SMOC1: variants seen among roughly 807,000 people sequenced by gnomAD.
SMOC1 encodes the protein SPARC-related modular calcium-binding protein 1.
A neutral mutation model predicts 56.3 loss-of-function variants in SMOC1; 22 were observed. That is an observed-to-expected ratio of 0.39 (90% confidence interval 0.28 to 0.56). The LOEUF is 0.56. SMOC1 is among the 20% of genes least tolerant of loss of function. The probability of loss-of-function intolerance (pLI) is 0.61; values close to 1 mark genes in which losing one functional copy is unlikely to be tolerated. For synonymous variants in SMOC1, 193 were observed against 215.0 expected, an observed-to-expected ratio of 0.90 and a Z score of 0.89; for missense variants, 509 against 565.4, an observed-to-expected ratio of 0.90 and a Z score of 1.01.
intron 1 of SMOC1, among the ~76,000 whole-genome samples, chr14:69,896,562 G>A (rs1884104414): frequency 6.6e-6 from 1 of 152,182 alleles, no homozygotes; most frequent in Non-Finnish European, 1.5e-5. Flanking sequence ...CCCAAAATTA[G>A]ATTTCCCCCT....
At chr14:70,019,825 T>C (rs60011612) in intron 10 of SMOC1, among the ~76,000 whole-genome samples, 30,260 of 152,138 alleles carry the variant, frequency 0.2, 3,530 homozygotes, top group East Asian at 0.36. Flanking sequence ...GGGTCTTCTT[T>C]TGCACAGACT....
chr14:70,014,281 C>G lies in SMOC1; in HGVS notation c.1046+790C>G, dbSNP rs552494225. 6.6e-5 allele frequency among the ~76,000 whole-genome samples: 10 copies of G among 152,252 alleles called. No homozygotes were observed. In the South Asian group the frequency reaches 1.7e-3, roughly 25 times the overall value. ...ACAAAATCTGTGGTGAGTGCTAGGA[C>G]AGAGGTGGAAGAATGGAGAATGGTT... On this transcript the variant is annotated intron_variant, in intron 10 of 11. Coordinates refer to ENST00000361956, the MANE Select transcript of SMOC1 (RefSeq NM_001034852.3).
At chr14:70,018,334 G>T (rs368074972) in intron 10 of SMOC1, among the ~76,000 whole-genome samples, 2 of 151,786 alleles carry the variant, frequency 1.3e-5, no homozygotes, top group Non-Finnish European at 2.9e-5. Context: ...CTTGCTACAT[G>T]CAGGGAGTAG....
intron 1 of SMOC1, among the ~76,000 whole-genome samples, chr14:69,900,104 A>G (rs1280466503): frequency 2.0e-5 from 3 of 152,184 alleles, no homozygotes; most frequent in African/African-American, 4.8e-5. Context: ...GATTATGGAA[A>G]CTTTTTCACA....
intron 1 of SMOC1, among the ~76,000 whole-genome samples, chr14:69,928,363 C>CT (rs1209478898): frequency 2.0e-5 from 3 of 152,208 alleles, no homozygotes; most frequent in African/African-American, 7.2e-5. Context: ...CAAATTGCGA[C>CT]TTTTTCAGAA....
chr14:69,935,477 C>T (rs558345475), intron 1 of SMOC1, among the ~76,000 whole-genome samples: 147 of 152,356 alleles, frequency 9.6e-4, no homozygotes, highest in Admixed American at 1.8e-3. Context: ...AGCCTAAGTA[C>T]TCTGATTAGC....
rs1322307106 is a variant in SMOC1 at position 70,023,363 on chromosome 14, C to A, written c.1207C>A (p.Arg403Ser). 1.2e-6 allele frequency: 2 copies of A among 1,614,128 alleles called. No homozygotes were observed. Among genetic ancestry groups the A allele is most frequent in the Non-Finnish European group, 8.5e-7 (1 of 1,180,026 alleles). ...KKAKPKKCAR[R>S]FTDYCDLNKD... is the part of the protein sequence containing the mutation. ...AGCCAAGCCCAAGAAATGTGCCCGG[C>A]GTTTCACCGACTACTGTGACCTGAA... Residue 403 changes from arginine (R) to serine (S), a missense_variant, in exon 11 of 12, where the codon CGT (arginine) becomes AGT (serine). Arg to Ser is a moderately radical substitution (Grantham distance 110). This residue lies in a region of SMOC1 where 176 missense variants were observed against 188.1 expected (regional missense o/e 0.94). Transcript: ENST00000361956.
At chr14:70,023,554 A>T in intron 11 of SMOC1, 107 bp downstream of exon 11, 1 of 1,492,992 alleles carries the variant, frequency 6.7e-7, no homozygotes, top group Non-Finnish European at 9.3e-7. Context: ...TCTATTCATC[A>T]ATTATTTGCT....
At chr14:69,972,558 G>A (rs556794772) in intron 3 of SMOC1, among the ~76,000 whole-genome samples, 1 of 152,106 alleles carries the variant, frequency 6.6e-6, no homozygotes, top group Non-Finnish European at 1.5e-5. Flanking sequence ...TTGTAATCTG[G>A]GCTCTCTACT....
At chr14:69,917,369 A>G (rs2139358744) in intron 1 of SMOC1, among the ~76,000 whole-genome samples, 1 of 152,330 alleles carries the variant, frequency 6.6e-6, no homozygotes, top group East Asian at 1.9e-4. Context: ...GTTTGCCTAT[A>G]GTGCACATGG....
At chr14:69,910,214 G>A (rs922565065) in intron 1 of SMOC1, among the ~76,000 whole-genome samples, 1 of 152,228 alleles carries the variant, frequency 6.6e-6, no homozygotes, top group African/African-American at 2.4e-5. Flanking sequence ...AAAAGGAACC[G>A]ATTTTCATTC....
chr14:69,999,936 G>GTTCTGT (rs1964452385), intron 7 of SMOC1, among the ~76,000 whole-genome samples: 4 of 152,098 alleles, frequency 2.6e-5, no homozygotes, highest in East Asian at 3.8e-4. Flanking sequence ...ACCAGCAAGG[G>GTTCTGT]TTCTGTTTCT....
At chr14:69,954,610 T>G (rs568629124) in intron 3 of SMOC1, among the ~76,000 whole-genome samples, 1 of 151,692 alleles carries the variant, frequency 6.6e-6, no homozygotes, top group East Asian at 1.9e-4. Context: ...TCTGTGAGAG[T>G]CAGATATGAT....
intron 1 of SMOC1, among the ~76,000 whole-genome samples, chr14:69,924,675 G>T (rs1884943823): frequency 7.0e-6 from 1 of 142,454 alleles, no homozygotes; most frequent in Non-Finnish European, 1.5e-5. Context: ...AGCTAGGGAA[G>T]GTAAGGGAGA....
chr14:69,887,738 C>T (rs576284870), intron 1 of SMOC1, among the ~76,000 whole-genome samples: 41 of 152,328 alleles, frequency 2.7e-4, no homozygotes, highest in African/African-American at 9.4e-4. Context: ...CCTAAGGGCT[C>T]ATTTGTAAAG....
At chr14:69,885,140 T>G (rs1233657886) in intron 1 of SMOC1, among the ~76,000 whole-genome samples, 1 of 152,166 alleles carries the variant, frequency 6.6e-6, no homozygotes, top group Non-Finnish European at 1.5e-5. Context: ...TATTTGTTAT[T>G]TCTTCTCTCA....
In SMOC1 at chr14:70,015,712, G is replaced by A. The variant is rs371696519; in HGVS notation, c.1046+2221G>A. Among the ~76,000 whole-genome samples, 71 of 152,158 alleles carry A rather than the reference G, an allele frequency of 4.7e-4. No individual in the cohort carries two copies. The South Asian group carries it at 0.01, about 22-fold the overall frequency. The stretch of plus-strand genomic sequence containing the variant: ...CCCACAGACGGGAGCTGCTGGAGGC[G>A]GCCTGTGGCACTCAGCTGCTCAGTC... On this transcript the variant is annotated intron_variant, in intron 10 of 11. Coordinates refer to ENST00000361956, the MANE Select transcript of SMOC1 (RefSeq NM_001034852.3).
At chr14:69,978,627 A>T (rs1884060575) in intron 5 of SMOC1, among the ~76,000 whole-genome samples, 1 of 152,224 alleles carries the variant, frequency 6.6e-6, no homozygotes, top group Non-Finnish European at 1.5e-5. Flanking sequence ...GCATGCTTAA[A>T]ATTTTAATTT....
chr14:69,899,770 C>T (rs1364471982), intron 1 of SMOC1, among the ~76,000 whole-genome samples: 2 of 152,162 alleles, frequency 1.3e-5, no homozygotes, highest in African/African-American at 4.8e-5. Context: ...CAGACTTATT[C>T]CTCCTGAGCC....
Sources: gnomAD v4.1 joint callset for allele counts (sites outside exome capture counted in the v4.1 genomes callset) on GRCh38, gnomAD v4.1.1 for gene constraint, gnomAD v4.1.1 regional missense constraint, MANE v1.5 for transcripts, NCBI Gene and HGNC (gene_info 2026-07-23, HGNC 2026-07-21) for gene names.